Variants in FANCA observed in about 807,000 individuals in gnomAD.
FANCA encodes the protein FA complementation group A, also known as Fanconi anemia group A protein.
Under a neutral mutation model 194.3 loss-of-function variants are expected in FANCA, and 236 were observed. That is an observed-to-expected ratio of 1.21 (90% CI 1.09 to 1.35). FANCA has a LOEUF of 1.35. Ranked by LOEUF, FANCA falls within the 40% of genes most tolerant of loss-of-function variation. The pLI is 0.00. For synonymous variants in FANCA, 1,014 were observed against 715.8 expected, an observed-to-expected ratio of 1.42 and a Z score of -6.65; for missense variants, 2,628 against 1,813.9, an observed-to-expected ratio of 1.45 and a Z score of -8.15.
chr16:89,803,981 C>A (rs926606787), intron 7 of FANCA, among the ~76,000 whole-genome samples: 7 of 152,002 alleles, frequency 4.6e-5, no homozygotes, highest in African/African-American at 1.7e-4. Context: ...TCTTGCCTGC[C>A]AATCTCCAAT....
chr16:89,798,566 G>A, intron 10 of FANCA: 1 of 1,136,160 alleles, frequency 8.8e-7, no homozygotes, highest in East Asian at 4.0e-5. Context: ...CTAGAGGGAA[G>A]CAAACCCCAG....
At chr16:89,754,460 C>T (rs2038705095) in intron 30 of FANCA, among the ~76,000 whole-genome samples, 1 of 152,120 alleles carries the variant, frequency 6.6e-6, no homozygotes, top group South Asian at 2.1e-4. Flanking sequence ...GCAACCTCTG[C>T]CTCCTGAGTT....
At chr16:89,747,069 C>G (rs912854847) in intron 33 of FANCA, among the ~76,000 whole-genome samples, 179 bp from the exon 34 acceptor site, 4 of 152,198 alleles carry the variant, frequency 2.6e-5, no homozygotes, top group Non-Finnish European at 5.9e-5. Flanking sequence ...TGTCCTGAAA[C>G]TTAACGGCTT....
intron 17 of FANCA, among the ~76,000 whole-genome samples, chr16:89,782,291 C>T (rs2039744665): frequency 6.6e-6 from 1 of 151,638 alleles, no homozygotes; most frequent in African/African-American, 2.4e-5. Flanking sequence ...GCGGGCGGAT[C>T]ACAAGGTCAG....
intron 30 of FANCA, among the ~76,000 whole-genome samples, chr16:89,756,367 G>A (rs918084785): frequency 5.9e-5 from 9 of 152,168 alleles, no homozygotes; most frequent in Non-Finnish European, 1.2e-4. Flanking sequence ...AGAGGTTCAC[G>A]CCTGTAATCC....
intron 11 of FANCA, among the ~76,000 whole-genome samples, chr16:89,793,254 G>C (rs2040137485): frequency 6.6e-6 from 1 of 152,096 alleles, no homozygotes; most frequent in Admixed American, 6.5e-5. Context: ...TTGGTGACGG[G>C]CGTCTTCCCA....
chr16:89,781,090 C>A (rs180883670), intron 17 of FANCA, among the ~76,000 whole-genome samples: 15 of 152,114 alleles, frequency 9.9e-5, no homozygotes, highest in African/African-American at 2.9e-4. Flanking sequence ...GAGGGCCAGG[C>A]GCAGTGGCTC....
intron 26 of FANCA, among the ~76,000 whole-genome samples, chr16:89,768,397 G>C (rs937013399): frequency 3.3e-5 from 5 of 152,146 alleles, no homozygotes; most frequent in Non-Finnish European, 5.9e-5. Flanking sequence ...GCTGGGCGTG[G>C]AGGCTCACAC....
At position 89,769,835 on chromosome 16, in the gene FANCA, A is replaced by C; in HGVS notation, c.2504+2T>G. ...AGACGCGACTGTGGAAGAAGAGCTCACTTCAGGCAGAAGAACAAGGAATCC... is the reference window on the plus strand; with the variant it reads ...AGACGCGACTGTGGAAGAAGAGCTCCCTTCAGGCAGAAGAACAAGGAATCC... On this transcript the variant is annotated splice_donor_variant, in intron 26 of 42. Transcript: ENST00000389301. LOFTEE classifies it high-confidence loss of function. The C allele has an allele frequency of 6.2e-7, 1 of 1,614,032 alleles. No individual in the cohort carries two copies. Among genetic ancestry groups the C allele is most frequent in the Non-Finnish European group, 8.5e-7 (1 of 1,179,990 alleles).
Position 89,737,956 on chromosome 16 carries a change from T to A in FANCA, c.*645A>T. On this transcript the variant is annotated 3_prime_UTR_variant, in exon 43 of 43. Transcript: ENST00000389301. Reference sequence around the variant, plus strand: ...CAGGGCTGTGGCCCTCGCACCTTCTTATCTGCCTCTGTCCCCCAGGTGTGA... The same window carrying A: ...CAGGGCTGTGGCCCTCGCACCTTCTAATCTGCCTCTGTCCCCCAGGTGTGA... The A allele has an allele frequency of 2.5e-6, 4 of 1,614,104 alleles. No homozygotes were observed. The highest frequency in any genetic ancestry group is 2.5e-6 in the Non-Finnish European group (3 of 1,179,982).
intron 21 of FANCA, among the ~76,000 whole-genome samples, chr16:89,775,459 A>G (rs1170529351): frequency 6.6e-6 from 1 of 152,250 alleles, no homozygotes; most frequent in Non-Finnish European, 1.5e-5. Context: ...CAAACACCTC[A>G]GTGCGGCCCA....
rs1161905441 is a variant in FANCA at position 89,742,945 on chromosome 16, C to G, written c.3627-7G>C. On this transcript the variant is annotated splice_polypyrimidine_tract_variant and splice_region_variant and intron_variant, in intron 36 of 42. Coordinates refer to ENST00000389301, the MANE Select transcript of FANCA (RefSeq NM_000135.4). ...AGCCTCAGGGGAGAGGAAACTGGGA[C>G]AGAGAGAACGGGGTCATTGCAGGGC... is the stretch of plus-strand genomic sequence containing the variant. 1.9e-6 allele frequency: 3 copies of G among 1,613,564 alleles called. No individual in the cohort carries two copies. The highest frequency in any genetic ancestry group is 2.5e-6 in the Non-Finnish European group (3 of 1,179,612).
intron 21 of FANCA, among the ~76,000 whole-genome samples, chr16:89,774,701 G>C (rs1371165265): frequency 8.4e-6 from 1 of 119,422 alleles, no homozygotes; most frequent in East Asian, 2.5e-4. Flanking sequence ...CTGCACTCCA[G>C]CCTGGGCAAC....
chr16:89,793,723 G>T (rs2040154068), intron 11 of FANCA, among the ~76,000 whole-genome samples: 1 of 151,844 alleles, frequency 6.6e-6, no homozygotes, highest in South Asian at 2.1e-4. Context: ...TGCGACCACA[G>T]GCGTGTGCCA....
intron 28 of FANCA, chr16:89,762,864 A>G: frequency 2.8e-6 from 1 of 362,372 alleles, no homozygotes; most frequent in East Asian, 1.1e-4. Flanking sequence ...GCACTTTGGG[A>G]GGCCGAGGCA....
intron 30 of FANCA, among the ~76,000 whole-genome samples, chr16:89,753,608 C>G (rs2038672032): frequency 6.6e-6 from 1 of 152,162 alleles, no homozygotes; most frequent in Non-Finnish European, 1.5e-5. Flanking sequence ...CAACCAGGAA[C>G]AAAGGAAATC....
In FANCA at chr16:89,769,915, C is replaced by T. The variant is rs7195066; in HGVS notation, c.2426G>A (p.Gly809Asp). ...PEVDVGPPAP[G>D]AGLPVPALFD... Reference sequence around the variant, plus strand: ...GAGCGCAGGGACAGGAAGGCCAGCACCAGGTGCAGGAGGACCCACATCCAC... The same window carrying T: ...GAGCGCAGGGACAGGAAGGCCAGCATCAGGTGCAGGAGGACCCACATCCAC... Residue 809 changes from glycine (G) to aspartate (D), a missense_variant, in exon 26 of 43, where the codon GGT (glycine) becomes GAT (aspartate). Coordinates refer to ENST00000389301, the MANE Select transcript of FANCA (RefSeq NM_000135.4). The T allele has an allele frequency of 0.38, 616,158 of 1,613,742 alleles. 136,475 individuals carry two copies. Among genetic ancestry groups the T allele is most frequent in the East Asian group, 0.98 (43,987 of 44,860 alleles).
At chr16:89,759,087 C>G (rs7204328) in intron 29 of FANCA, among the ~76,000 whole-genome samples, 108,201 of 151,620 alleles carry the variant, frequency 0.71, 40,419 homozygotes, top group East Asian at 0.99. Flanking sequence ...TTGGGAGGCT[C>G]AGGCGGGCGG....
chr16:89,759,200 G>C (rs2038860941), intron 29 of FANCA, among the ~76,000 whole-genome samples: 1 of 151,360 alleles, frequency 6.6e-6, no homozygotes, highest in South Asian at 2.1e-4. Context: ...GGCGCCTGTA[G>C]TCCCAGCTAC....
Sources: allele counts gnomAD v4.1 joint callset (sites outside exome capture counted in the v4.1 genomes callset), GRCh38; gene constraint gnomAD v4.1.1; transcripts MANE v1.5; gene names NCBI Gene and HGNC (gene_info 2026-07-23, HGNC 2026-07-21).